PGM2: variants seen among roughly 807,000 people sequenced by gnomAD.
The protein encoded by PGM2 is phosphopentomutase.
Under a neutral mutation model 74.6 loss-of-function variants are expected in PGM2, and 57 were observed. The observed-to-expected ratio is 0.76, with a 90% confidence interval of 0.62 to 0.95. The LOEUF (loss-of-function observed/expected upper bound fraction) is 0.95, where lower values mean the gene tolerates loss of function less well. PGM2 is among the 40% of genes least tolerant of loss of function. The pLI is 0.00. For synonymous variants in PGM2, 273 were observed against 260.7 expected, an observed-to-expected ratio of 1.05 and a Z score of -0.46; for missense variants, 706 against 741.9, an observed-to-expected ratio of 0.95 and a Z score of 0.56.
At chr4:37,853,901 G>T (rs547965627) in intron 12 of PGM2, among the ~76,000 whole-genome samples, 1 of 152,146 alleles carries the variant, frequency 6.6e-6, no homozygotes, top group Non-Finnish European at 1.5e-5. Flanking sequence ...GTTCTGTGAC[G>T]GTGTGGGCTC....
At chr4:37,848,934 G>A (rs920813549) in intron 11 of PGM2, among the ~76,000 whole-genome samples, 5 of 151,990 alleles carry the variant, frequency 3.3e-5, no homozygotes, top group African/African-American at 4.8e-5. Context: ...GCTGGTTATG[G>A]TGGTGGGCAC....
chr4:37,857,926 T>G (rs1353621110), intron 13 of PGM2, among the ~76,000 whole-genome samples: 2 of 152,196 alleles, frequency 1.3e-5, no homozygotes, highest in East Asian at 3.8e-4. Context: ...TATTTAGTGT[T>G]TTCTTATTTC....
At chr4:37,838,784 A>G (rs1203977059) in intron 4 of PGM2, among the ~76,000 whole-genome samples, 1 of 152,240 alleles carries the variant, frequency 6.6e-6, no homozygotes, top group African/African-American at 2.4e-5. Flanking sequence ...TCAGACATGA[A>G]TTGAACCAGT....
chr4:37,831,679 G>C (rs1403687197), intron 2 of PGM2, among the ~76,000 whole-genome samples: 1 of 152,176 alleles, frequency 6.6e-6, no homozygotes, highest in Non-Finnish European at 1.5e-5. Flanking sequence ...GAGAGAGAGA[G>C]AATGTGCCAA....
chr4:37,859,669 C>G (rs1163744647), intron 13 of PGM2, among the ~76,000 whole-genome samples: 1 of 152,136 alleles, frequency 6.6e-6, no homozygotes, highest in Non-Finnish European at 1.5e-5. Flanking sequence ...AGACACTATC[C>G]TAGCCAAATT....
intron 8 of PGM2, 83 bp from the exon 9 acceptor site, chr4:37,846,848 A>G: frequency 1.9e-6 from 2 of 1,079,510 alleles, no homozygotes; most frequent in Non-Finnish European, 2.7e-6. Flanking sequence ...TTGTTTGCTA[A>G]ATTGTTTTAT....
At chr4:37,843,719 C>T (rs1171041909) in intron 6 of PGM2, among the ~76,000 whole-genome samples, 1 of 151,740 alleles carries the variant, frequency 6.6e-6, no homozygotes, top group African/African-American at 2.4e-5. Context: ...AAGCGATTCT[C>T]TTGCCTCAGC....
chr4:37,857,687 A>G (rs1711576972), intron 13 of PGM2, among the ~76,000 whole-genome samples: 1 of 152,212 alleles, frequency 6.6e-6, no homozygotes, highest in South Asian at 2.1e-4. Flanking sequence ...TCATGGGACT[A>G]TGTAATATAT....
chr4:37,847,062 C>T lies in PGM2; in HGVS notation c.1139C>T (p.Ser380Phe), dbSNP rs1211556445. Reference sequence around the variant, plus strand: ...ACGTACATGTTGTCCAGCACCGTCTCCTCCAAAATCTTGCGGGCCATTGCC... The same window carrying T: ...ACGTACATGTTGTCCAGCACCGTCTTCTCCAAAATCTTGCGGGCCATTGCC... ...KDTYMLSSTV[S>F]SKILRAIALK... Residue 380 changes from serine (S) to phenylalanine (F), a missense_variant, in exon 9 of 14, where the codon TCC becomes TTC. Ser to Phe is a radical substitution (Grantham distance 155). Around this residue, in one of 3 missense-constraint regions of PGM2, gnomAD observed 359 missense variants for 371.1 expected, o/e 0.97. Transcript: ENST00000381967. The T allele has an allele frequency of 6.2e-7, 1 of 1,613,702 alleles. No homozygotes were observed. The highest frequency in any genetic ancestry group is 2.2e-5 in the East Asian group (1 of 44,896).
rs370487208 is a variant in PGM2, at chr4:37,848,545, C to G, written c.1306C>G (p.Leu436Val). 3 of 1,613,480 alleles carry G rather than the reference C, an allele frequency of 1.9e-6. No homozygotes were observed. The highest frequency in any genetic ancestry group is 2.5e-6 in the Non-Finnish European group (3 of 1,179,512). ...AGGATACATGTGCTGCCCTTTTGTT[C>G]TGGACAAAGATGGAGTCAGTGCCGC... ...AIGYMCCPFV[L>V]DKDGVSAAVI... The change falls in exon 11 of 14, where the codon CTG becomes GTG. Residue 436 changes from leucine (L) to valine (V), a missense_variant. Coordinates refer to ENST00000381967, the MANE Select transcript of PGM2 (RefSeq NM_018290.4).
At chr4:37,854,526 T>G (rs1726138846) in intron 12 of PGM2, among the ~76,000 whole-genome samples, 1 of 152,188 alleles carries the variant, frequency 6.6e-6, no homozygotes, top group African/African-American at 2.4e-5. Context: ...AATTTTTGTA[T>G]TTTTAGTAGA....
chr4:37,832,641 C>CTATTT (rs1322910245), intron 2 of PGM2, among the ~76,000 whole-genome samples: 2 of 152,250 alleles, frequency 1.3e-5, no homozygotes, highest in African/African-American at 4.8e-5. Flanking sequence ...ATTTTGGGTT[C>CTATTT]TGTGTTCATA....
intron 4 of PGM2, among the ~76,000 whole-genome samples, chr4:37,838,601 G>A (rs183298680): frequency 6.6e-6 from 1 of 152,100 alleles, no homozygotes; most frequent in Non-Finnish European, 1.5e-5. Flanking sequence ...TGTGTTTGCC[G>A]GCTCTAGTGC....
intron 10 of PGM2, among the ~76,000 whole-genome samples, chr4:37,847,916 T>C (rs1725921122): frequency 6.6e-6 from 1 of 152,268 alleles, no homozygotes; most frequent in Non-Finnish European, 1.5e-5. Context: ...TATTCATTTG[T>C]ATATTCTCTG....
intron 6 of PGM2, among the ~76,000 whole-genome samples, chr4:37,843,732 C>T (rs773689967): frequency 6.6e-6 from 1 of 151,954 alleles, no homozygotes; most frequent in Non-Finnish European, 1.5e-5. Context: ...GCCTCAGCCT[C>T]CCAAGTATCT....
Position 37,861,989 on chromosome 4 carries a change from AG to A in PGM2, c.*378del, listed in dbSNP as rs1711793286. ...AAATATCCAGAAAACCTATGGAGTT[AG>A]TAAATTCTGGGCTGTCATATGTAGG... On this transcript the variant is annotated 3_prime_UTR_variant, in exon 14 of 14. Transcript: ENST00000381967. 1 of 166,106 alleles carries A rather than the reference AG, an allele frequency of 6.0e-6. No individual in the cohort carries two copies. The highest frequency in any genetic ancestry group is 1.5e-4 in the East Asian group (1 of 6,502). 10.3% of individuals were successfully genotyped at this position (166,106 alleles called of 1,614,324 possible). A position where few individuals can be genotyped will look rare whatever the true frequency, so the allele number is the denominator to read the frequency against.
At chr4:37,850,706 C>G (rs994150936) in intron 12 of PGM2, among the ~76,000 whole-genome samples, 3 of 151,566 alleles carry the variant, frequency 2.0e-5, no homozygotes, top group African/African-American at 7.3e-5. Context: ...AGAGACTCTA[C>G]TAGGCTGGGA....
At chr4:37,835,986 A>G (rs1211755033) in intron 3 of PGM2, among the ~76,000 whole-genome samples, 1 of 152,248 alleles carries the variant, frequency 6.6e-6, no homozygotes, top group East Asian at 1.9e-4. Context: ...AATCAGAACT[A>G]AATCGTGACC....
At chr4:37,846,894 G>A (rs778634036) in intron 8 of PGM2, 37 bp from the exon 9 acceptor site, 3 of 1,532,936 alleles carry the variant, frequency 2.0e-6, no homozygotes, top group South Asian at 1.2e-5. Context: ...TAAGATTATG[G>A]AAATGAATGG....
Sources: gnomAD v4.1 joint callset for allele counts (sites outside exome capture counted in the v4.1 genomes callset) on GRCh38, gnomAD v4.1.1 for gene constraint, gnomAD v4.1.1 regional missense constraint, MANE v1.5 for transcripts, NCBI Gene and HGNC (gene_info 2026-07-23, HGNC 2026-07-21) for gene names.